Variants in PKP2 observed in about 807,000 individuals in gnomAD.
The protein encoded by PKP2 is plakophilin 2.
In PKP2, 73 loss-of-function variants were observed where a neutral mutation model predicts 83.4. That is an observed-to-expected ratio of 0.88 (90% confidence interval 0.72 to 1.06). The LOEUF is 1.06. Among genes scored for constraint, PKP2 ranks in the 50% least tolerant of loss-of-function variants. The pLI is 0.00. For synonymous variants in PKP2, 409 were observed against 430.4 expected, an observed-to-expected ratio of 0.95 and a Z score of 0.62; for missense variants, 966 against 1,065.4, an observed-to-expected ratio of 0.91 and a Z score of 1.30.
intron 6 of PKP2, among the ~76,000 whole-genome samples, chr12:32,832,559 A>G (rs140621847): frequency 1.1e-3 from 171 of 152,310 alleles, no homozygotes; most frequent in African/African-American, 3.9e-3. Context: ...ATGAAACATA[A>G]AGAGTTTAAA....
intron 4 of PKP2, among the ~76,000 whole-genome samples, chr12:32,855,572 C>T (rs544469541): frequency 7.2e-5 from 11 of 152,004 alleles, no homozygotes; most frequent in South Asian, 4.1e-4. Flanking sequence ...GTCAGGAGTT[C>T]GAGACCAGCC....
At chr12:32,840,962 G>T in intron 6 of PKP2, 66 bp downstream of exon 6, 2 of 1,176,124 alleles carry the variant, frequency 1.7e-6, no homozygotes, top group South Asian at 1.2e-5. Context: ...AATATATCCT[G>T]ACTTCCTTGG....
At chr12:32,864,077 T>A (rs1396227705) in intron 4 of PKP2, among the ~76,000 whole-genome samples, 4 of 151,838 alleles carry the variant, frequency 2.6e-5, no homozygotes, top group African/African-American at 9.7e-5. Flanking sequence ...ATAAAAAGCA[T>A]CTGACTAAAT....
chr12:32,846,971 C>T (rs1956652399), intron 5 of PKP2, among the ~76,000 whole-genome samples: 1 of 151,992 alleles, frequency 6.6e-6, no homozygotes, highest in African/African-American at 2.4e-5. Flanking sequence ...TTTACTTAAC[C>T]CCTCTGAGTC....
intron 1 of PKP2, among the ~76,000 whole-genome samples, chr12:32,879,271 G>T (rs530155784): frequency 6.6e-6 from 1 of 152,180 alleles, no homozygotes; most frequent in Non-Finnish European, 1.5e-5. Flanking sequence ...GGTGGCGCAC[G>T]CCTCTTATCC....
rs1446311301 is a variant in PKP2 at position 32,858,070 on chromosome 12, A to AAAT, written c.1171-7098_1171-7097insATT. Among the ~76,000 whole-genome samples, 108 of 54,754 alleles carry AAAT rather than the reference A, an allele frequency of 2.0e-3. 2 individuals carry two copies. The highest frequency in any genetic ancestry group is 9.5e-3 in the African/African-American group (102 of 10,740). The allele number at this position is 54,754 out of a possible 152,430, so 35.9% of individuals were successfully genotyped here. A position where few individuals can be genotyped will look rare whatever the true frequency, so the allele number is the denominator to read the frequency against. On this transcript the variant is annotated intron_variant, in intron 4 of 12. Coordinates refer to ENST00000340811, the MANE Select transcript of PKP2 (RefSeq NM_001005242.3). The stretch of plus-strand genomic sequence containing the variant: ...CAGGGAGACCCCATCTCTACAAAAA[A>AAAT]AAAAAAAAAAAAAAATATATATATA...
intron 9 of PKP2, among the ~76,000 whole-genome samples, chr12:32,808,027 C>G (rs1341070115): frequency 6.6e-6 from 1 of 152,084 alleles, no homozygotes; most frequent in African/African-American, 2.4e-5. Flanking sequence ...CATGGAGTAT[C>G]CTACTGGGGT....
chr12:32,836,159 A>C (rs771522329), intron 6 of PKP2, among the ~76,000 whole-genome samples: 8 of 152,236 alleles, frequency 5.3e-5, no homozygotes, highest in Non-Finnish European at 8.8e-5. Context: ...TTGGAAACTT[A>C]CGTGGGCACA....
intron 10 of PKP2, among the ~76,000 whole-genome samples, chr12:32,796,596 T>A (rs1956127749): frequency 6.6e-6 from 1 of 152,108 alleles, no homozygotes; most frequent in Non-Finnish European, 1.5e-5. Flanking sequence ...AGACGGAGTT[T>A]CACCGTGTTA....
At chr12:32,846,167 A>G (rs1956642931) in intron 5 of PKP2, among the ~76,000 whole-genome samples, 1 of 152,164 alleles carries the variant, frequency 6.6e-6, no homozygotes, top group Admixed American at 6.5e-5. Context: ...CACTCTTATC[A>G]TGACTTGTCC....
At chr12:32,839,507 C>G (rs16920307) in intron 6 of PKP2, among the ~76,000 whole-genome samples, 20,015 of 149,984 alleles carry the variant, frequency 0.13, 1,493 homozygotes, top group South Asian at 0.22. Flanking sequence ...AGATGACATA[C>G]AAACAGAAAA....
intron 6 of PKP2, among the ~76,000 whole-genome samples, chr12:32,831,102 T>A (rs1592742038): frequency 6.6e-6 from 1 of 152,188 alleles, no homozygotes; most frequent in South Asian, 2.1e-4. Flanking sequence ...ACTATAATTT[T>A]AAAAATATAC....
chr12:32,864,288 T>C (rs2137904738), intron 4 of PKP2, among the ~76,000 whole-genome samples: 1 of 147,146 alleles, frequency 6.8e-6, no homozygotes, highest in African/African-American at 2.5e-5. Context: ...GTAGGAGAGG[T>C]TCTAGCAAGT....
At chr12:32,844,811 T>C (rs970600124) in intron 5 of PKP2, among the ~76,000 whole-genome samples, 2 of 152,162 alleles carry the variant, frequency 1.3e-5, no homozygotes, top group African/African-American at 4.8e-5. Flanking sequence ...ATGCCCCAAA[T>C]TTGCTGAGCC....
intron 1 of PKP2, among the ~76,000 whole-genome samples, chr12:32,892,814 G>T (rs1431714256): frequency 1.8e-5 from 2 of 111,988 alleles, no homozygotes; most frequent in African/African-American, 5.8e-5. Context: ...ACCTGGGGTG[G>T]GGGCGGGGGG....
chr12:32,846,486 T>G (rs1956645547), intron 5 of PKP2, among the ~76,000 whole-genome samples: 1 of 152,224 alleles, frequency 6.6e-6, no homozygotes, highest in South Asian at 2.1e-4. Flanking sequence ...GGCTCACGCC[T>G]GTAATCCCAA....
At chr12:32,885,673 A>C (rs1651563059) in intron 1 of PKP2, among the ~76,000 whole-genome samples, 1 of 152,028 alleles carries the variant, frequency 6.6e-6, no homozygotes, top group African/African-American at 2.4e-5. Context: ...CCCCCCCAAA[A>C]AAAAAACTAA....
At position 32,821,481 on chromosome 12, in the gene PKP2, C is replaced by A. The variant is rs143038626; in HGVS notation, c.1888G>T (p.Val630Leu). 1.2e-6 allele frequency: 2 copies of A among 1,614,030 alleles called. No homozygotes were observed. The highest frequency in any genetic ancestry group is 3.3e-5 in the Admixed American group (2 of 60,002). Residue 630 changes from valine (V) to leucine (L), a missense_variant, in exon 9 of 13, where the codon GTG becomes TTG. Transcript: ENST00000340811. ...MPEEKSNPKG[V>L]EWLWHSIVIR... is the part of the protein sequence containing the mutation. ...ACAATGGAATGCCACAGCCACTCCA[C>A]GCCCTTGGGGTTGCTCTTTTCCTCC...
intron 5 of PKP2, among the ~76,000 whole-genome samples, chr12:32,845,431 A>T (rs952685166): frequency 2.0e-5 from 3 of 152,172 alleles, no homozygotes; most frequent in Non-Finnish European, 2.9e-5. Context: ...GGGTGCCTGT[A>T]GTCCCATCTA....
Sources: gnomAD v4.1 joint callset for allele counts (sites outside exome capture counted in the v4.1 genomes callset) on GRCh38, gnomAD v4.1.1 for gene constraint, MANE v1.5 for transcripts, NCBI Gene and HGNC (gene_info 2026-07-23, HGNC 2026-07-21) for gene names.